GLDN: variants seen among roughly 807,000 people sequenced by gnomAD.
The protein encoded by GLDN is gliomedin, also known as collomin.
A neutral mutation model predicts 56.5 loss-of-function variants in GLDN; 47 were observed. That is an observed-to-expected ratio of 0.83 (90% CI 0.66 to 1.06). GLDN has a LOEUF of 1.06. Ranked by LOEUF, GLDN falls within the 50% of genes least tolerant of loss-of-function variation. The pLI is 0.00. For missense variants in GLDN, 782 were observed against 714.3 expected, an observed-to-expected ratio of 1.09 and a Z score of -1.08; for synonymous variants, 332 against 278.8, an observed-to-expected ratio of 1.19 and a Z score of -1.90.
chr15:51,403,392 C>T (rs2038298941), intron 9 of GLDN, among the ~76,000 whole-genome samples: 1 of 152,230 alleles, frequency 6.6e-6, no homozygotes, highest in Admixed American at 6.5e-5. Context: ...TGATAGACTT[C>T]AAGTCTGTTA....
At chr15:51,394,312 CT>C (rs2038078367) in intron 4 of GLDN, among the ~76,000 whole-genome samples, 2 of 152,152 alleles carry the variant, frequency 1.3e-5, no homozygotes, top group South Asian at 4.1e-4. Context: ...AGCCAAATTT[CT>C]CTAAAAATAA....
intron 1 of GLDN, among the ~76,000 whole-genome samples, chr15:51,343,063 A>G (rs192568439): frequency 3.9e-5 from 6 of 152,322 alleles, no homozygotes; most frequent in Admixed American, 1.3e-4. Flanking sequence ...GTCTTGTTTC[A>G]CTTTATAATT....
At chr15:51,342,130 T>A in intron 1 of GLDN, 83 bp downstream of exon 1, 2 of 1,161,726 alleles carry the variant, frequency 1.7e-6, no homozygotes, top group Non-Finnish European at 2.2e-6. Context: ...CGCCCTCTTC[T>A]CCCCTGGCCA....
intron 4 of GLDN, 189 bp downstream of exon 4, chr15:51,384,081 C>G (rs1323005989): frequency 1.6e-6 from 1 of 645,002 alleles, no homozygotes; most frequent in African/African-American, 1.8e-5. Flanking sequence ...CCCACCTTGA[C>G]AGATGTTTAT....
intron 4 of GLDN, among the ~76,000 whole-genome samples, chr15:51,391,582 G>A (rs955968267): frequency 2.2e-4 from 33 of 152,204 alleles, no homozygotes; most frequent in African/African-American, 6.8e-4. Context: ...ACAAAAGAAC[G>A]TCTTCTCACA....
chr15:51,371,535 A>G (rs1423399295), intron 1 of GLDN, among the ~76,000 whole-genome samples: 1 of 152,192 alleles, frequency 6.6e-6, no homozygotes. Context: ...TAATCCAATG[A>G]GAATAGTTCC....
chr15:51,349,521 A>G (rs2037037305), intron 1 of GLDN, among the ~76,000 whole-genome samples: 3 of 152,278 alleles, frequency 2.0e-5, no homozygotes, highest in Admixed American at 2.0e-4. Context: ...TATGATATTC[A>G]GATTTCAGTA....
chr15:51,353,490 C>T (rs1447445694), intron 1 of GLDN, among the ~76,000 whole-genome samples: 2 of 152,134 alleles, frequency 1.3e-5, no homozygotes, highest in African/African-American at 4.8e-5. Flanking sequence ...CAGTCATCTT[C>T]ACCACTCTCC....
At chr15:51,392,042 A>C (rs1481608933) in intron 4 of GLDN, among the ~76,000 whole-genome samples, 1 of 152,210 alleles carries the variant, frequency 6.6e-6, no homozygotes, top group Admixed American at 6.5e-5. Context: ...TTTTCCATGC[A>C]CTGCTGTCTT....
chr15:51,392,986 C>T (rs928266233), intron 4 of GLDN, among the ~76,000 whole-genome samples: 2 of 152,156 alleles, frequency 1.3e-5, no homozygotes, highest in African/African-American at 2.4e-5. Context: ...GGGTTAGATA[C>T]CCTTATCTTG....
intron 1 of GLDN, among the ~76,000 whole-genome samples, chr15:51,375,503 G>A (rs978805266): frequency 3.3e-4 from 51 of 152,336 alleles, no homozygotes; most frequent in Admixed American, 3.0e-3. Context: ...TCTTTCAGTA[G>A]CAGCCTATGA....
intron 1 of GLDN, among the ~76,000 whole-genome samples, chr15:51,365,270 A>AT (rs780274916): frequency 2.6e-5 from 4 of 151,886 alleles, no homozygotes; most frequent in Non-Finnish European, 4.4e-5. Flanking sequence ...ATTGTATGAG[A>AT]TTTTTTCATT....
chr15:51,372,810 T>C (rs1346049457), intron 1 of GLDN, among the ~76,000 whole-genome samples: 1 of 152,188 alleles, frequency 6.6e-6, no homozygotes, highest in African/African-American at 2.4e-5. Context: ...TTTGTGCTGC[T>C]ATAATGGAAA....
intron 1 of GLDN, among the ~76,000 whole-genome samples, chr15:51,372,168 C>T (rs2037530188): frequency 2.0e-5 from 3 of 151,406 alleles, no homozygotes; most frequent in African/African-American, 4.8e-5. Context: ...GCCACCAGTT[C>T]CACTACCATG....
chr15:51,411,714 C>G (rs1424872144), downstream of GLDN, among the ~76,000 whole-genome samples: 2 of 152,164 alleles, frequency 1.3e-5, no homozygotes, highest in African/African-American at 4.8e-5. Flanking sequence ...GTTTATTTGA[C>G]TTTTTCTTTT....
rs139028305 is a variant in GLDN at position 51,406,160 on chromosome 15, G to A, written c.*1406G>A. ...CTCCACAAAGGCTGGTTAGGGGACA[G>A]TTCTTTCTCTAACATAGTTTTAAAG... is the stretch of plus-strand genomic sequence containing the variant. On this transcript the variant is annotated 3_prime_UTR_variant, in exon 10 of 10. Coordinates refer to ENST00000335449, the MANE Select transcript of GLDN (RefSeq NM_181789.4). The A allele has an allele frequency of 2.1e-3, 319 of 152,356 alleles. No homozygotes were observed. Among genetic ancestry groups the A allele is most frequent in the African/African-American group, 7.3e-3 (305 of 41,572 alleles). The allele number at this position is 152,356 out of a possible 1,614,324, so 9.4% of individuals were successfully genotyped here. A position where few individuals can be genotyped will look rare whatever the true frequency, so the allele number is the denominator to read the frequency against.
chr15:51,371,414 C>A (rs1160422918), intron 1 of GLDN, among the ~76,000 whole-genome samples: 2 of 152,240 alleles, frequency 1.3e-5, no homozygotes, highest in East Asian at 3.8e-4. Flanking sequence ...TGTCCCATCT[C>A]TGTTTAGTTT....
At chr15:51,391,052 C>T (rs145200454) in intron 4 of GLDN, among the ~76,000 whole-genome samples, 63 of 152,220 alleles carry the variant, frequency 4.1e-4, no homozygotes, top group African/African-American at 1.4e-3. Context: ...CTGACAAAGA[C>T]GAGGGGATGC....
intron 1 of GLDN, among the ~76,000 whole-genome samples, chr15:51,360,009 C>G (rs1177270960): frequency 6.7e-6 from 1 of 148,930 alleles, no homozygotes; most frequent in Admixed American, 6.8e-5. Context: ...GAAAGCATAC[C>G]TCTTTGTCAC....
Sources: allele counts gnomAD v4.1 joint callset (sites outside exome capture counted in the v4.1 genomes callset), GRCh38; gene constraint gnomAD v4.1.1; transcripts MANE v1.5; gene names NCBI Gene and HGNC (gene_info 2026-07-23, HGNC 2026-07-21).